Variants in RTL9 observed in about 807,000 individuals in gnomAD.
RTL9 encodes retrotransposon Gag like 9.
RTL9 carries 19 observed loss-of-function variants against 44.7 expected under a neutral mutation model. That is an observed-to-expected ratio of 0.42 (90% CI 0.30 to 0.62). RTL9 has a LOEUF of 0.62. Among genes scored for constraint, RTL9 ranks in the 20% least tolerant of loss-of-function variants. RTL9 has a pLI of 0.16. For synonymous variants in RTL9, 407 were observed against 398.9 expected (o/e 1.02, Z -0.24); for missense variants, 1,105 against 1,080.6 (o/e 1.02, Z -0.32).
Position 110,451,838 on chromosome X carries a change from T to C in RTL9, c.1221T>C (p.Asp407=), listed in dbSNP as rs4314820. The stretch of plus-strand genomic sequence containing the variant: ...CTGCACCACCAGTAAGAGCTTTAGA[T>C]TCTGGAGCAATGTCCACACCGCTAA... The change falls in exon 1 of 2, where the codon GAT becomes GAC. Residue 407 remains aspartate, a synonymous_variant. Transcript: ENST00000540313. 4,244 of 1,207,985 alleles carry C rather than the reference T, an allele frequency of 3.5e-3. 101 individuals are homozygous for C. In the African/African-American group the frequency reaches 0.067, roughly 19 times the overall value.
At chrX:110,449,781 C>T (rs769432731), upstream of RTL9, among the ~76,000 whole-genome samples, 1 of 112,354 alleles carries the variant, frequency 8.9e-6, no homozygotes, top group Admixed American at 9.3e-5. Flanking sequence ...TTAGCCTTGA[C>T]CCTGGCTAAT....
upstream of RTL9, among the ~76,000 whole-genome samples, chrX:110,417,958 CA>C: frequency 8.9e-6 from 1 of 112,730 alleles, no homozygotes; most frequent in Non-Finnish European, 1.9e-5. Flanking sequence ...GTGCCATGTT[CA>C]GGGGCAAGAG....
At chrX:110,392,434 G>A (rs1353446189) in intron 1 of RTL9, among the ~76,000 whole-genome samples, 1 of 110,389 alleles carries the variant, frequency 9.1e-6, no homozygotes, top group East Asian at 2.8e-4. Flanking sequence ...GTGCCGTCAT[G>A]CCTGGCTAAT....
At chrX:110,451,028 A>G in exon 1 of RTL9, 1 of 1,211,759 alleles carries the variant, frequency 8.3e-7, no homozygotes. Flanking sequence ...AGTATGGGGT[A>G]ATGTCCCCAG....
At chrX:110,404,219 C>T (rs767363800) in intron 1 of RTL9, among the ~76,000 whole-genome samples, 1 of 111,866 alleles carries the variant, frequency 8.9e-6, no homozygotes, top group African/African-American at 3.2e-5. Flanking sequence ...CCTTATAATC[C>T]TAATACCTTT....
chrX:110,410,050 G>C (rs765028446), intron 1 of RTL9, among the ~76,000 whole-genome samples: 1 of 111,887 alleles, frequency 8.9e-6, no homozygotes, highest in Non-Finnish European at 1.9e-5. Flanking sequence ...CAGTATCACT[G>C]GTGATTTTGA....
chrX:110,389,018 G>A (rs1356684429), intron 1 of RTL9, among the ~76,000 whole-genome samples: 1 of 111,874 alleles, frequency 8.9e-6, no homozygotes, highest in Non-Finnish European at 1.9e-5. Context: ...CATTTTACTA[G>A]TGTTTCCCAA....
intron 1 of RTL9, among the ~76,000 whole-genome samples, chrX:110,362,967 T>C (rs989017164): frequency 1.1e-4 from 12 of 111,986 alleles, no homozygotes; most frequent in Non-Finnish European, 1.3e-4. Context: ...GCTGAAGTAA[T>C]TTGCTCAAGG....
At chrX:110,414,761 T>C (rs2068665506), upstream of RTL9, among the ~76,000 whole-genome samples, 1 of 112,521 alleles carries the variant, frequency 8.9e-6, no homozygotes, top group African/African-American at 3.2e-5. Context: ...AAAATGCACA[T>C]CTGACAGTGC....
At chrX:110,450,737 G>A in exon 1 of RTL9, 3 of 1,211,150 alleles carry the variant, frequency 2.5e-6, no homozygotes, top group Non-Finnish European at 3.4e-6. Context: ...CAGACGTACA[G>A]ATTCTGCATT....
upstream of RTL9, among the ~76,000 whole-genome samples, chrX:110,447,382 C>G (rs1457730121): frequency 9.1e-6 from 1 of 109,641 alleles, no homozygotes; most frequent in African/African-American, 3.3e-5. Context: ...CAAGCAATAT[C>G]AGTTGTTGTT....
intron 1 of RTL9, among the ~76,000 whole-genome samples, chrX:110,409,390 T>A (rs951574308): frequency 9.0e-6 from 1 of 111,589 alleles, no homozygotes; most frequent in Non-Finnish European, 1.9e-5. Flanking sequence ...AAGAGAGTTG[T>A]GTTTACATTC....
chrX:110,419,072 C>T (rs1449305887), exon 1 of RTL9: 1 of 112,161 alleles, frequency 8.9e-6, no homozygotes, highest in African/African-American at 3.2e-5. Flanking sequence ...AGGGCCTCAG[C>T]CCCGCCCTAC....
chrX:110,408,686 T>C (rs941525087), intron 1 of RTL9, among the ~76,000 whole-genome samples: 1 of 112,319 alleles, frequency 8.9e-6, no homozygotes, highest in Non-Finnish European at 1.9e-5. Flanking sequence ...GTGATGTTGC[T>C]TTTGGAATTA....
intron 1 of RTL9, among the ~76,000 whole-genome samples, chrX:110,433,903 T>C (rs2068817142): frequency 8.9e-6 from 1 of 112,025 alleles, no homozygotes; most frequent in Non-Finnish European, 1.9e-5. Flanking sequence ...ACTGAGAATA[T>C]AAAGAGGAAT....
chrX:110,451,154 A>G (rs748922045), exon 1 of RTL9: 2 of 1,210,468 alleles, frequency 1.7e-6, no homozygotes, highest in African/African-American at 3.5e-5. Context: ...TGGTGTGTAC[A>G]CCTATAATGA....
At chrX:110,362,799 T>C (rs753521995) in intron 1 of RTL9, among the ~76,000 whole-genome samples, 1 of 112,468 alleles carries the variant, frequency 8.9e-6, no homozygotes, top group East Asian at 2.8e-4. Flanking sequence ...CATTATTTTA[T>C]ATAGTCTTCC....
chrX:110,434,828 T>C (rs2148334678), intron 1 of RTL9, among the ~76,000 whole-genome samples: 1 of 110,103 alleles, frequency 9.1e-6, no homozygotes, highest in Non-Finnish European at 1.9e-5. Context: ...GGGTTTCTCC[T>C]CTCCCATTTT....
exon 1 of RTL9, chrX:110,451,677 C>A: frequency 8.3e-7 from 1 of 1,211,642 alleles, no homozygotes; most frequent in Middle Eastern, 2.3e-4. Flanking sequence ...AATGACGGCC[C>A]TACCCTCTGG....
Sources: allele counts gnomAD v4.1 joint callset (sites outside exome capture counted in the v4.1 genomes callset), GRCh38; gene constraint gnomAD v4.1.1; transcripts MANE v1.5; gene names NCBI Gene and HGNC (gene_info 2026-07-23, HGNC 2026-07-21).